The following RFX2 variants were observed in gnomAD, a reference collection of about 807,000 sequenced individuals.
RFX2 encodes regulatory factor X2.
Under a neutral mutation model 87.8 loss-of-function variants are expected in RFX2, and 20 were observed. The ratio of observed to expected loss-of-function variants is 0.23; its 90% CI spans 0.16 to 0.33. RFX2 has a LOEUF of 0.33. Among genes scored for constraint, RFX2 ranks in the 10% least tolerant of loss-of-function variants. The probability of loss-of-function intolerance (pLI) is 1.00; values close to 1 mark genes in which losing one functional copy is unlikely to be tolerated. For synonymous variants in RFX2, 397 were observed against 431.3 expected, an observed-to-expected ratio of 0.92 and a Z score of 0.98; for missense variants, 767 against 1,012.3, an observed-to-expected ratio of 0.76 and a Z score of 3.29.
At chr19:6,015,637 C>G (rs1203213324) in intron 7 of RFX2, among the ~76,000 whole-genome samples, 6 of 151,812 alleles carry the variant, frequency 4.0e-5, no homozygotes, top group Non-Finnish European at 7.4e-5. Flanking sequence ...TACAGGTGTG[C>G]AAATACGTGT....
chr19:5,995,510 C>T (rs1162634443), intron 17 of RFX2, 91 bp downstream of exon 17: 2 of 1,305,676 alleles, frequency 1.5e-6, no homozygotes, highest in Non-Finnish European at 2.2e-6. Context: ...CGCATTTCCA[C>T]CTGTTCATCA....
Position 6,020,649 on chromosome 19 carries a change from G to T in RFX2, c.598-4378C>A, listed in dbSNP as rs1444901104. Among the ~76,000 whole-genome samples the T allele has an allele frequency of 1.3e-5, 2 of 152,180 alleles. No individual in the cohort carries two copies. The highest frequency in any genetic ancestry group is 6.5e-5 in the Admixed American group (1 of 15,284). On this transcript the variant is annotated intron_variant, in intron 6 of 17. Coordinates refer to ENST00000303657, the MANE Select transcript of RFX2 (RefSeq NM_000635.4). The surrounding 1 kb of genome is among the most constrained non-coding windows in gnomAD (Gnocchi z 5.3). ...CAGTTCCGTGAAACCGACCACGAGG[G>T]TCCAGCCGCTCCAACCACACTCGCC...
chr19:6,000,735 A>G (rs1427577543), intron 15 of RFX2, among the ~76,000 whole-genome samples: 1 of 152,182 alleles, frequency 6.6e-6, no homozygotes, highest in Non-Finnish European at 1.5e-5. Flanking sequence ...AGTCCATTCA[A>G]CCTATTTTTC....
chr19:6,073,584 G>A, intron 1 of RFX2: 2 of 340,906 alleles, frequency 5.9e-6, no homozygotes, highest in Non-Finnish European at 1.1e-5. Context: ...ACTGCAAAAA[G>A]ATATATAAAA....
At chr19:6,102,776 A>G (rs920486778) in intron 1 of RFX2, among the ~76,000 whole-genome samples, 2 of 152,142 alleles carry the variant, frequency 1.3e-5, no homozygotes, top group South Asian at 2.1e-4. Flanking sequence ...TCCGCATCAC[A>G]CGGCCTTGCT....
In RFX2 at chr19:5,997,918, C is replaced by T. The variant is rs1292882111; in HGVS notation, c.1860-705G>A. ...GTCCACAGACAGTTTCACTGGCACG[C>T]GTCATGCCCGTTCCTATGTTGTCTT... is the stretch of plus-strand genomic sequence containing the variant. On this transcript the variant is annotated intron_variant, in intron 15 of 17. Transcript: ENST00000303657. This position sits in a 1 kb window ranked among gnomAD's most constrained non-coding sequence, Gnocchi z 4.2. Among the ~76,000 whole-genome samples, 1 of 152,172 alleles carries T rather than the reference C, an allele frequency of 6.6e-6. No homozygotes were observed. Among genetic ancestry groups the T allele is most frequent in the Admixed American group, 6.5e-5 (1 of 15,276 alleles).
At position 6,040,929 on chromosome 19, in the gene RFX2, G is replaced by A. The variant is rs1326112567; in HGVS notation, c.261-688C>T. ...AAATAGACACGCACGCACATGCAAG[G>A]GTACACACATGAACATGCAAAGCCA... On this transcript the variant is annotated intron_variant, in intron 4 of 17. Coordinates refer to ENST00000303657, the MANE Select transcript of RFX2 (RefSeq NM_000635.4). This position sits in a 1 kb window ranked among gnomAD's most constrained non-coding sequence, Gnocchi z 6.1. 6.6e-6 allele frequency among the ~76,000 whole-genome samples: 1 copy of A among 151,992 alleles called. No homozygotes were observed. Among genetic ancestry groups the A allele is most frequent in the Admixed American group, 6.6e-5 (1 of 15,256 alleles).
chr19:6,010,485 G>C lies in RFX2; in HGVS notation c.900-234C>G, dbSNP rs147622855. 9.6e-4 allele frequency among the ~76,000 whole-genome samples: 146 copies of C among 152,296 alleles called. No individual in the cohort carries two copies. Among genetic ancestry groups the C allele is most frequent in the Non-Finnish European group, 1.5e-3 (104 of 68,028 alleles). ...CTCACCGTCGTCATCTCCAGAACTT[G>C]ATCATCTTCCCACACTGAAGCTCTG... On this transcript the variant is annotated intron_variant, in intron 8 of 17. Coordinates refer to ENST00000303657, the MANE Select transcript of RFX2 (RefSeq NM_000635.4). The surrounding 1 kb of genome is among the most constrained non-coding windows in gnomAD (Gnocchi z 5.0).
intron 5 of RFX2, among the ~76,000 whole-genome samples, chr19:6,036,364 G>A (rs1411763715): frequency 6.6e-6 from 1 of 152,098 alleles, no homozygotes; most frequent in South Asian, 2.1e-4. Flanking sequence ...GAGGGAGGAG[G>A]CATGGGGCAC....
In RFX2 at chr19:6,021,494, G is replaced by A. The variant is rs537077755; in HGVS notation, c.597+4669C>T. 2.7e-4 allele frequency among the ~76,000 whole-genome samples: 41 copies of A among 152,298 alleles called. No homozygotes were observed. The highest frequency in any genetic ancestry group is 4.9e-4 in the Non-Finnish European group (33 of 68,032). The stretch of plus-strand genomic sequence containing the variant: ...GAGGGACTGGAGGGAGGACTGCAAC[G>A]GTATAGTAAGTTGAGGTGGGGTGGG... On this transcript the variant is annotated intron_variant, in intron 6 of 17. Coordinates refer to ENST00000303657, the MANE Select transcript of RFX2 (RefSeq NM_000635.4). The surrounding 1 kb of genome is among the most constrained non-coding windows in gnomAD (Gnocchi z 5.7).
chr19:6,035,850 G>GGTGTGTGTGTGTGTGTGT (rs34008943), intron 5 of RFX2, among the ~76,000 whole-genome samples: 1 of 137,166 alleles, frequency 7.3e-6, no homozygotes, highest in African/African-American at 3.0e-5. Context: ...CTTGGTGGGG[G>GGTGTGTGTGTGTGTGTGT]GTGTGTGTGT....
chr19:6,097,516 G>T (rs2088047365), intron 1 of RFX2, among the ~76,000 whole-genome samples: 1 of 152,146 alleles, frequency 6.6e-6, no homozygotes, highest in Non-Finnish European at 1.5e-5. Context: ...ACAAGGATTA[G>T]AAGTAATACA....
chr19:6,009,094 G>A (rs747492357), intron 9 of RFX2, among the ~76,000 whole-genome samples: 2 of 152,120 alleles, frequency 1.3e-5, no homozygotes, highest in Non-Finnish European at 2.9e-5. Flanking sequence ...CCAGGCCCTG[G>A]CACACAGCAA....
intron 1 of RFX2, among the ~76,000 whole-genome samples, chr19:6,070,168 TGAATG>T (rs150868571): frequency 0.059 from 7 of 118 alleles, no homozygotes; most frequent in African/African-American, 0.071. Flanking sequence ...GGATGGGATG[TGAATG>T]GGATGGGATG....
chr19:6,000,077 C>T (rs1407742691), intron 15 of RFX2, among the ~76,000 whole-genome samples: 7 of 151,978 alleles, frequency 4.6e-5, no homozygotes, highest in African/African-American at 9.7e-5. Context: ...CTCTGCCTCC[C>T]GGATTCAAGT....
In RFX2 at chr19:6,003,012, C is replaced by G. The variant is rs1305848541; in HGVS notation, c.1501-142G>C. 10 of 917,152 alleles carry G rather than the reference C, an allele frequency of 1.1e-5. No homozygotes were observed. The South Asian group carries it at 1.7e-4, about 16-fold the overall frequency. 56.8% of individuals were successfully genotyped at this position (917,152 alleles called of 1,614,324 possible). On this transcript the variant is annotated intron_variant, in intron 13 of 17. Coordinates refer to ENST00000303657, the MANE Select transcript of RFX2 (RefSeq NM_000635.4). ...AACCTGGGCAGGGAAGAGGGAACCT[C>G]CTGCTATTCTTAAGGACCCAGTGTG...
chr19:5,995,334 G>T (rs2086391856), intron 17 of RFX2, among the ~76,000 whole-genome samples: 4 of 152,180 alleles, frequency 2.6e-5, no homozygotes. Context: ...GGAGACCAGG[G>T]GCTGCCTAGT....
Position 6,007,564 on chromosome 19 carries a change from T to G in RFX2, c.1247+126A>C. On this transcript the variant is annotated intron_variant, in intron 11 of 17. Transcript: ENST00000303657. The surrounding 1 kb of genome is among the most constrained non-coding windows in gnomAD (Gnocchi z 8.2). The stretch of plus-strand genomic sequence containing the variant: ...CTACCAAGTCTAAAAATTACAGGGA[T>G]GGAGGCAGAGGGGTCTGAACCCTGA... The G allele has an allele frequency of 1.6e-6, 1 of 634,926 alleles. No homozygotes were observed. 39.3% of individuals were successfully genotyped at this position (634,926 alleles called of 1,614,324 possible).
At chr19:6,090,172 T>G (rs1370058056) in intron 1 of RFX2, among the ~76,000 whole-genome samples, 3 of 152,036 alleles carry the variant, frequency 2.0e-5, no homozygotes, top group Non-Finnish European at 4.4e-5. Context: ...TTCACCATGT[T>G]GCCCAGGCTG....
Sources: allele counts gnomAD v4.1 joint callset (sites outside exome capture counted in the v4.1 genomes callset), GRCh38; gene constraint gnomAD v4.1.1; non-coding constraint Gnocchi (gnomAD v3.1); transcripts MANE v1.5; gene names NCBI Gene and HGNC (gene_info 2026-07-23, HGNC 2026-07-21).